Variants in MTM1 observed in about 807,000 individuals in gnomAD.
MTM1 encodes the protein myotubularin.
Under a neutral mutation model 52.1 loss-of-function variants are expected in MTM1, and 9 were observed. The ratio of observed to expected loss-of-function variants is 0.17; its 90% confidence interval spans 0.10 to 0.30. The LOEUF (loss-of-function observed/expected upper bound fraction) is 0.30. MTM1 is among the 10% of genes least tolerant of loss of function. The pLI is 1.00. For synonymous variants in MTM1, 136 were observed against 163.8 expected (o/e 0.83, Z 1.29); for missense variants, 277 against 470.7 (o/e 0.59, Z 3.81).
At chrX:150,563,305 C>CTT in the MTM1 span, among the ~76,000 whole-genome samples, 117 of 34,532 alleles carry the variant, frequency 3.4e-3, 12 homozygotes, top group Non-Finnish European at 4.4e-3. Context: ...TAAATCTCAG[C>CTT]TTTTTTTTTT....
intron 1 of MTM1, among the ~76,000 whole-genome samples, chrX:150,586,797 C>T (rs2038794292): frequency 9.2e-6 from 1 of 108,691 alleles, no homozygotes; most frequent in South Asian, 4.1e-4. Flanking sequence ...ATCTGTAATC[C>T]CAGCTACTCA....
chrX:150,657,823 C>T lies in MTM1; in HGVS notation c.1056C>T (p.Leu352=), dbSNP rs1216921434. ...ACTCACGTATTTTTCTTTGTCAGCT[C>T]GTTTTGACAGGAGCCATTCAAGTAG... ...ESTHWLEHIK[L]VLTGAIQVAD... is the part of the protein sequence containing the mutation. The change falls in exon 11 of 15, where the codon CTC becomes CTT. Residue 352 remains leucine (L), a splice_region_variant and synonymous_variant. Transcript: ENST00000370396. 2.5e-6 allele frequency: 3 copies of T among 1,210,493 alleles called. No homozygotes were observed. The highest frequency in any genetic ancestry group is 3.0e-5 in the East Asian group (1 of 33,815).
chrX:150,655,765 A>G (rs782138190), intron 10 of MTM1, among the ~76,000 whole-genome samples: 1 of 112,078 alleles, frequency 8.9e-6, no homozygotes, highest in Non-Finnish European at 1.9e-5. Context: ...CTTAGATGGC[A>G]CAAGTAAACT....
intron 1 of MTM1, among the ~76,000 whole-genome samples, chrX:150,582,960 C>G (rs898594695): frequency 1.0e-5 from 1 of 99,499 alleles, no homozygotes; most frequent in African/African-American, 3.7e-5. Flanking sequence ...GTGGATTTGC[C>G]TATGTTTTCA....
At chrX:150,642,107 G>A (rs2148489317) in intron 8 of MTM1, among the ~76,000 whole-genome samples, 1 of 110,709 alleles carries the variant, frequency 9.0e-6, no homozygotes, top group South Asian at 3.8e-4. Flanking sequence ...CCCCTAATAA[G>A]TAAATGTTTA....
chrX:150,671,375 T>C (rs2040392484), intron 14 of MTM1, 53 bp from the exon 15 acceptor site: 1 of 1,190,325 alleles, frequency 8.4e-7, no homozygotes, highest in East Asian at 3.0e-5. Context: ...AACACGTGAG[T>C]TCTCATGACG....
intron 1 of MTM1, among the ~76,000 whole-genome samples, chrX:150,583,396 T>G (rs1489816934): frequency 6.2e-5 from 2 of 32,390 alleles, no homozygotes; most frequent in South Asian, 3.7e-3. Flanking sequence ...ATAATATATA[T>G]AAATTATATA....
At chrX:150,583,458 A>T (rs1557412012) in intron 1 of MTM1, among the ~76,000 whole-genome samples, 1 of 30,692 alleles carries the variant, frequency 3.3e-5, no homozygotes, top group Non-Finnish European at 5.0e-5. Flanking sequence ...TATTATATAT[A>T]ATTATAAATA....
At chrX:150,665,982 G>C (rs2040298588) in intron 14 of MTM1, among the ~76,000 whole-genome samples, 1 of 112,117 alleles carries the variant, frequency 8.9e-6, no homozygotes, top group African/African-American at 3.2e-5. Context: ...TTTATATAGT[G>C]GTAACTGAAG....
chrX:150,635,302 G>A (rs183874597), intron 6 of MTM1, among the ~76,000 whole-genome samples: 4 of 112,114 alleles, frequency 3.6e-5, no homozygotes, highest in African/African-American at 9.7e-5. Flanking sequence ...CAAACAAGAC[G>A]CGCTTGATGG....
At position 150,662,183 on chromosome X, in the gene MTM1, AAG is replaced by A. The variant is rs1358496683; in HGVS notation, c.1468-1247_1468-1246del. On this transcript the variant is annotated intron_variant, in intron 13 of 14. Coordinates refer to ENST00000370396, the MANE Select transcript of MTM1 (RefSeq NM_000252.3). ...AACTATGTGCATATATAAAAATAAA[AAG>A]AGTAACATGCAAATAAATACAATGT... is the stretch of plus-strand genomic sequence containing the variant. 3.6e-5 allele frequency among the ~76,000 whole-genome samples: 4 copies of A among 112,310 alleles called. No individual in the cohort carries two copies. The East Asian group carries it at 1.1e-3, about 31-fold the overall frequency.
chrX:150,592,847 T>TA (rs1459734784), intron 2 of MTM1, among the ~76,000 whole-genome samples, 170 bp downstream of exon 2: 2 of 98,466 alleles, frequency 2.0e-5, no homozygotes, highest in African/African-American at 7.8e-5. Flanking sequence ...CTAGAAAAGC[T>TA]TTTTTTTTTT....
At chrX:150,660,999 TTTTC>T (rs1302511230) in intron 13 of MTM1, among the ~76,000 whole-genome samples, 1 of 111,668 alleles carries the variant, frequency 9.0e-6, no homozygotes, top group Non-Finnish European at 1.9e-5. Context: ...TCAGATTTCT[TTTTC>T]TTTATTTTTT....
At chrX:150,595,765 G>A (rs1557412588) in intron 2 of MTM1, among the ~76,000 whole-genome samples, 1 of 112,571 alleles carries the variant, frequency 8.9e-6, no homozygotes, top group East Asian at 2.8e-4. Flanking sequence ...GCAGGTTGTA[G>A]TGGTTAATAT....
chrX:150,576,591 A>G (rs952006725), intron 1 of MTM1, among the ~76,000 whole-genome samples: 8 of 111,865 alleles, frequency 7.2e-5, no homozygotes, highest in African/African-American at 2.3e-4. Flanking sequence ...ATTTCAAGGT[A>G]TATTCAGAAA....
chrX:150,652,608 TATATATAC>T (rs1557414237), intron 10 of MTM1, among the ~76,000 whole-genome samples: 1 of 92,074 alleles, frequency 1.1e-5, no homozygotes, highest in South Asian at 5.8e-4. Flanking sequence ...TATATACATA[TATATATAC>T]ATATATATAC....
upstream of MTM1, among the ~76,000 whole-genome samples, chrX:150,567,601 TG>T (rs2038279994): frequency 8.9e-6 from 1 of 112,006 alleles, no homozygotes; most frequent in South Asian, 3.7e-4. Flanking sequence ...TCACACAGGC[TG>T]GAGTGCAGTG....
chrX:150,606,587 A>T (rs982288453), intron 4 of MTM1, among the ~76,000 whole-genome samples: 3 of 111,107 alleles, frequency 2.7e-5, no homozygotes, highest in Non-Finnish European at 5.7e-5. Flanking sequence ...GTCACCACCT[A>T]AGGAGGTCTA....
intron 12 of MTM1, among the ~76,000 whole-genome samples, 176 bp from the exon 13 acceptor site, chrX:150,660,195 C>T (rs1316522239): frequency 1.8e-5 from 2 of 111,872 alleles, no homozygotes; most frequent in African/African-American, 6.5e-5. Flanking sequence ...AGTGCTCAGA[C>T]CTATATAAAC....
Sources: allele counts gnomAD v4.1 joint callset (sites outside exome capture counted in the v4.1 genomes callset), GRCh38; gene constraint gnomAD v4.1.1; transcripts MANE v1.5; gene names NCBI Gene and HGNC (gene_info 2026-07-23, HGNC 2026-07-21).